FYB1: variants seen among roughly 807,000 people sequenced by gnomAD.
The protein encoded by FYB1 is FYN binding protein 1.
Under a neutral mutation model 94.1 loss-of-function variants are expected in FYB1, and 41 were observed. The observed-to-expected ratio is 0.44, with a 90% CI of 0.34 to 0.57. The LOEUF (loss-of-function observed/expected upper bound fraction) is 0.57. Ranked by LOEUF, FYB1 falls within the 20% of genes least tolerant of loss-of-function variation. The pLI, the probability that FYB1 is intolerant of heterozygous loss-of-function variation, is 0.02. For synonymous variants in FYB1, 367 were observed against 353.2 expected, an observed-to-expected ratio of 1.04 and a Z score of -0.44; for missense variants, 1,050 against 976.8, an observed-to-expected ratio of 1.07 and a Z score of -1.00.
chr5:39,166,267 T>G (rs1744721021), intron 2 of FYB1, among the ~76,000 whole-genome samples: 1 of 152,018 alleles, frequency 6.6e-6, no homozygotes, highest in South Asian at 2.1e-4. Context: ...TGAAACCCCT[T>G]CTGTCCTAAA....
chr5:39,200,641 T>C (rs1468995930), intron 2 of FYB1, among the ~76,000 whole-genome samples: 1 of 152,136 alleles, frequency 6.6e-6, no homozygotes, highest in African/African-American at 2.4e-5. Context: ...ATGGGATCAT[T>C]CCAAACTTGC....
chr5:39,201,982 C>A lies in FYB1; in HGVS notation c.979G>T (p.Gly327Cys), dbSNP rs754704993. The change falls in exon 2 of 19, where the codon GGC becomes TGC. Residue 327 changes from glycine to cysteine, a missense_variant. By Grantham distance (159) the Gly-to-Cys change is radical. Coordinates refer to ENST00000512982, the MANE Select transcript of FYB1 (RefSeq NM_001465.6). The part of the protein sequence containing the change: ...PSKLTVGGPW[G>C]QSQEKEKGDK... Reference sequence around the variant, plus strand: ...CCCTTTTCCTTTTCCTGACTTTGGCCCCATGGCCCCCCCACTGTCAGCTTA... The same window carrying A: ...CCCTTTTCCTTTTCCTGACTTTGGCACCATGGCCCCCCCACTGTCAGCTTA... The A allele has an allele frequency of 1.9e-6, 3 of 1,614,014 alleles. No homozygotes were observed. Among genetic ancestry groups the A allele is most frequent in the Non-Finnish European group, 2.5e-6 (3 of 1,179,902 alleles).
At chr5:39,245,202 G>C (rs761249624) in intron 1 of FYB1, among the ~76,000 whole-genome samples, 1 of 152,066 alleles carries the variant, frequency 6.6e-6, no homozygotes, top group Non-Finnish European at 1.5e-5. Context: ...AAGAGAGAGA[G>C]ATACTTTTCT....
At chr5:39,256,054 T>G (rs1751926276) in intron 1 of FYB1, among the ~76,000 whole-genome samples, 1 of 152,238 alleles carries the variant, frequency 6.6e-6, no homozygotes, top group Non-Finnish European at 1.5e-5. Context: ...AGAATCTTTC[T>G]TTAATTACAA....
chr5:39,256,513 C>T (rs991966347), intron 1 of FYB1, among the ~76,000 whole-genome samples: 3 of 152,118 alleles, frequency 2.0e-5, no homozygotes, highest in African/African-American at 4.8e-5. Context: ...CTCTCCTTGC[C>T]CTGCTTATCA....
At chr5:39,145,551 A>G (rs115960791) in intron 3 of FYB1, among the ~76,000 whole-genome samples, 1,683 of 152,290 alleles carry the variant, frequency 0.011, 40 homozygotes, top group African/African-American at 0.039. Flanking sequence ...AAGTCACATA[A>G]TATAAATTTA....
intron 1 of FYB1, among the ~76,000 whole-genome samples, chr5:39,226,110 A>G (rs550339170): frequency 6.6e-6 from 1 of 152,118 alleles, no homozygotes. Flanking sequence ...CCATCTACAC[A>G]AGACTGAAAT....
intron 1 of FYB1, among the ~76,000 whole-genome samples, chr5:39,265,483 CAA>C (rs34295541): frequency 7.8e-4 from 89 of 114,120 alleles, no homozygotes; most frequent in South Asian, 3.0e-3. Context: ...GACTCTGTCT[CAA>C]AAAAAAAAAA....
intron 1 of FYB1, among the ~76,000 whole-genome samples, chr5:39,253,740 T>C (rs1226227302): frequency 1.3e-5 from 2 of 152,148 alleles, no homozygotes; most frequent in East Asian, 1.9e-4. Flanking sequence ...GATTGTTACA[T>C]AGGTAAATGT....
chr5:39,132,369 G>A (rs1300245689), intron 9 of FYB1, among the ~76,000 whole-genome samples: 1 of 152,184 alleles, frequency 6.6e-6, no homozygotes. Context: ...AGCAGCTGCA[G>A]TTTCAAAAAT....
chr5:39,199,254 C>T (rs1395689660), intron 2 of FYB1, among the ~76,000 whole-genome samples: 1 of 151,904 alleles, frequency 6.6e-6, no homozygotes, highest in East Asian at 1.9e-4. Flanking sequence ...ATAAAATGAA[C>T]ATATACTTTC....
chr5:39,132,332 A>G (rs1277734390), intron 9 of FYB1, among the ~76,000 whole-genome samples: 1 of 152,218 alleles, frequency 6.6e-6, no homozygotes, highest in African/African-American at 2.4e-5. Context: ...AGAACAAAGC[A>G]TGTTCTGTTA....
chr5:39,263,213 T>G (rs2111661798), intron 1 of FYB1, among the ~76,000 whole-genome samples: 1 of 152,232 alleles, frequency 6.6e-6, no homozygotes, highest in South Asian at 2.1e-4. Context: ...GCCTACCCAC[T>G]TCAAGAGCAA....
intron 2 of FYB1, among the ~76,000 whole-genome samples, chr5:39,171,379 C>T (rs936358364): frequency 2.0e-5 from 3 of 152,066 alleles, no homozygotes; most frequent in African/African-American, 7.2e-5. Flanking sequence ...AATCAGGACT[C>T]GCAGCATCAG....
chr5:39,137,562 G>C (rs1741776378), intron 7 of FYB1, 38 bp downstream of exon 7: 1 of 1,523,988 alleles, frequency 6.6e-7, no homozygotes, highest in Non-Finnish European at 8.8e-7. Context: ...GGTATAAAAA[G>C]ATGTTATTCT....
At chr5:39,168,640 TCTAAG>T (rs1744958838) in intron 2 of FYB1, among the ~76,000 whole-genome samples, 1 of 152,192 alleles carries the variant, frequency 6.6e-6, no homozygotes, top group African/African-American at 2.4e-5. Context: ...TTTTACAGCT[TCTAAG>T]TCTAATTCTT....
At chr5:39,117,977 G>A (rs400463) in intron 16 of FYB1, among the ~76,000 whole-genome samples, 151,377 of 152,246 alleles carry the variant, frequency 0.99, 75,325 homozygotes, top group Middle Eastern at 1. Flanking sequence ...GGCTCACTGC[G>A]GCTTGGAACT....
chr5:39,250,313 A>G (rs1751661529), intron 1 of FYB1, among the ~76,000 whole-genome samples: 3 of 152,184 alleles, frequency 2.0e-5, no homozygotes, highest in Admixed American at 2.0e-4. Context: ...TTACCAAAAT[A>G]CAAAGTGTGA....
intron 1 of FYB1, among the ~76,000 whole-genome samples, chr5:39,211,470 C>A (rs909648855): frequency 6.6e-6 from 1 of 151,974 alleles, no homozygotes; most frequent in African/African-American, 2.4e-5. Context: ...TACAGGCGCC[C>A]GCCACCACGC....
Sources: allele counts gnomAD v4.1 joint callset (sites outside exome capture counted in the v4.1 genomes callset), GRCh38; gene constraint gnomAD v4.1.1; transcripts MANE v1.5; gene names NCBI Gene and HGNC (gene_info 2026-07-23, HGNC 2026-07-21).